Variants in SLC38A12 observed in about 807,000 individuals in gnomAD.
SLC38A12 encodes putative sodium-coupled neutral amino acid transporter 12.
chr17:74,776,777 G>T, the SLC38A12 span, among the ~76,000 whole-genome samples: 1 of 152,226 alleles, frequency 6.6e-6, no homozygotes, highest in South Asian at 2.1e-4. Flanking sequence ...GGGAGTGGAG[G>T]CCCCATTAAA....
the SLC38A12 span, among the ~76,000 whole-genome samples, chr17:74,798,467 C>G: frequency 1.3e-5 from 2 of 152,250 alleles, no homozygotes; most frequent in African/African-American, 4.8e-5. Flanking sequence ...AAAATTCCAA[C>G]CCCACTCCTT....
chr17:74,779,062 G>A, the SLC38A12 span, among the ~76,000 whole-genome samples: 1 of 152,166 alleles, frequency 6.6e-6, no homozygotes, highest in Admixed American at 6.5e-5. Flanking sequence ...CCTGCTGTCA[G>A]TGATGAAATC....
At chr17:74,777,983 A>C in the SLC38A12 span, among the ~76,000 whole-genome samples, 2 of 152,248 alleles carry the variant, frequency 1.3e-5, no homozygotes, top group Non-Finnish European at 2.9e-5. Context: ...TCAGATGAAC[A>C]GTGATTGACA....
the SLC38A12 span, chr17:74,838,644 T>C: frequency 4.4e-6 from 6 of 1,368,962 alleles, no homozygotes; most frequent in Non-Finnish European, 5.7e-6. Context: ...ACCACTGCCG[T>C]TGTCTAGCTG....
At chr17:74,834,005 G>A in the SLC38A12 span, among the ~76,000 whole-genome samples, 10 of 152,094 alleles carry the variant, frequency 6.6e-5, no homozygotes, top group Non-Finnish European at 1.0e-4. Flanking sequence ...CTGGCTCACA[G>A]GGACTCCGCC....
At chr17:74,777,504 G>A in the SLC38A12 span, 7 of 1,551,436 alleles carry the variant, frequency 4.5e-6, no homozygotes, top group Non-Finnish European at 5.3e-6. Flanking sequence ...CAGGATGGGG[G>A]AGTTCCATGG....
the SLC38A12 span, among the ~76,000 whole-genome samples, chr17:74,798,416 G>A: frequency 3.9e-5 from 6 of 152,222 alleles, no homozygotes; most frequent in African/African-American, 1.4e-4. Flanking sequence ...TCTACCAGCA[G>A]CTCCCAGTGG....
the SLC38A12 span, among the ~76,000 whole-genome samples, chr17:74,828,013 C>T: frequency 6.6e-6 from 1 of 152,210 alleles, no homozygotes; most frequent in Non-Finnish European, 1.5e-5. Flanking sequence ...AGTCCTGTTC[C>T]CCGCCTGGAG....
chr17:74,823,812 C>T, the SLC38A12 span, among the ~76,000 whole-genome samples: 1 of 152,400 alleles, frequency 6.6e-6, no homozygotes, highest in Non-Finnish European at 1.5e-5. Context: ...TCACGCCGGA[C>T]CTCCTTGCCT....
the SLC38A12 span, among the ~76,000 whole-genome samples, chr17:74,819,179 G>T: frequency 6.6e-6 from 1 of 152,130 alleles, no homozygotes; most frequent in South Asian, 2.1e-4. Context: ...AGGGGCTCTC[G>T]TTCTCCAGGC....
the SLC38A12 span, among the ~76,000 whole-genome samples, chr17:74,819,100 T>C: frequency 6.6e-6 from 1 of 152,224 alleles, no homozygotes; most frequent in South Asian, 2.1e-4. Flanking sequence ...TTCTTTGCCC[T>C]GGTTTTCCTA....
chr17:74,796,771 C>T, the SLC38A12 span, among the ~76,000 whole-genome samples: 2 of 152,244 alleles, frequency 1.3e-5, no homozygotes, highest in African/African-American at 4.8e-5. Flanking sequence ...GGTTAATTGT[C>T]TGGCACCCTT....
the SLC38A12 span, among the ~76,000 whole-genome samples, chr17:74,800,110 C>T: frequency 6.6e-6 from 1 of 152,258 alleles, no homozygotes; most frequent in Admixed American, 6.5e-5. Flanking sequence ...GGCCTCTCAG[C>T]TCTGTCCTGC....
the SLC38A12 span, among the ~76,000 whole-genome samples, chr17:74,823,828 C>G: frequency 6.6e-6 from 1 of 152,260 alleles, no homozygotes; most frequent in Non-Finnish European, 1.5e-5. Flanking sequence ...TGCCTTGTTC[C>G]CCCCGTGTGG....
At chr17:74,788,026 C>T in the SLC38A12 span, among the ~76,000 whole-genome samples, 1 of 152,002 alleles carries the variant, frequency 6.6e-6, no homozygotes, top group African/African-American at 2.4e-5. Flanking sequence ...GAACTCCTGA[C>T]CTTGTGATCC....
the SLC38A12 span, among the ~76,000 whole-genome samples, chr17:74,830,023 C>T: frequency 1.3e-5 from 2 of 152,138 alleles, no homozygotes; most frequent in Admixed American, 6.5e-5. Context: ...GGAAGGGGCT[C>T]GCTACTGACC....
the SLC38A12 span, among the ~76,000 whole-genome samples, chr17:74,781,771 T>C: frequency 6.6e-6 from 1 of 152,246 alleles, no homozygotes; most frequent in African/African-American, 2.4e-5. Flanking sequence ...AGTGCCCTGC[T>C]TAAAATGCTC....
the SLC38A12 span, among the ~76,000 whole-genome samples, chr17:74,798,286 C>G: frequency 2.0e-5 from 3 of 152,240 alleles, no homozygotes; most frequent in East Asian, 5.8e-4. Context: ...GCGATTTCTT[C>G]TGTGTCTTCC....
chr17:74,836,454 T>G, the SLC38A12 span: 1 of 1,607,702 alleles, frequency 6.2e-7, no homozygotes, highest in Non-Finnish European at 8.5e-7. The surrounding 1 kb of genome is among the most constrained non-coding windows in gnomAD (Gnocchi z 4.2). Context: ...CGACCTGGAG[T>G]CCCTGGTGGG....
Sources: gnomAD v4.1 joint callset for allele counts (sites outside exome capture counted in the v4.1 genomes callset) on GRCh38, gnomAD v4.1.1 for gene constraint, Gnocchi (gnomAD v3.1) non-coding constraint, MANE v1.5 for transcripts, NCBI Gene and HGNC (gene_info 2026-07-23, HGNC 2026-07-21) for gene names.